The following BTBD16 variants were observed in gnomAD, a reference collection of about 807,000 sequenced individuals.
The protein encoded by BTBD16 is BTB/POZ domain-containing protein 16.
Under a neutral mutation model 67.4 loss-of-function variants are expected in BTBD16, and 66 were observed. The observed-to-expected ratio is 0.98, with a 90% confidence interval of 0.80 to 1.20. The LOEUF is 1.20. BTBD16 is among the 50% of genes most tolerant of loss of function. The probability of loss-of-function intolerance (pLI) is 0.00; values close to 1 mark genes in which losing one functional copy is unlikely to be tolerated. For synonymous variants in BTBD16, 242 were observed against 236.4 expected (o/e 1.02, Z -0.22); for missense variants, 634 against 616.0 (o/e 1.03, Z -0.31).
At chr10:122,296,825 A>G (rs1244927598) in intron 7 of BTBD16, among the ~76,000 whole-genome samples, 2 of 152,218 alleles carry the variant, frequency 1.3e-5, no homozygotes, top group Non-Finnish European at 2.9e-5. Context: ...ACGAACTACA[A>G]TAGTCAAAGA....
intron 9 of BTBD16, among the ~76,000 whole-genome samples, chr10:122,306,039 C>T (rs570698311): frequency 5.3e-5 from 8 of 152,176 alleles, no homozygotes; most frequent in East Asian, 3.9e-4. Context: ...GAATAGTGTC[C>T]GCGGGCTTTA....
intron 1 of BTBD16, among the ~76,000 whole-genome samples, chr10:122,272,128 G>C (rs554150341): frequency 6.6e-6 from 1 of 152,184 alleles, no homozygotes; most frequent in African/African-American, 2.4e-5. Flanking sequence ...GCATGTATGT[G>C]TTACCTGAGG....
intron 10 of BTBD16, among the ~76,000 whole-genome samples, chr10:122,327,837 G>A (rs113980760): frequency 1.3e-5 from 2 of 152,216 alleles, no homozygotes. Flanking sequence ...GCCATGCCAA[G>A]GCACATCAGC....
At position 122,297,405 on chromosome 10, in the gene BTBD16, GT is replaced by G. The variant is rs2096385321; in HGVS notation, c.591-362del. ...AGGCCCCTCTGGTGGCACCATAAGG[GT>G]CTGTACAGGAAGACAGTCCTCAGGC... On this transcript the variant is annotated intron_variant, in intron 7 of 15. Transcript: ENST00000260723. Among the ~76,000 whole-genome samples, 4 of 152,228 alleles carry G rather than the reference GT, an allele frequency of 2.6e-5. No homozygotes were observed. The East Asian group carries it at 7.7e-4, about 29-fold the overall frequency.
At position 122,280,558 on chromosome 10, in the gene BTBD16, TTTATATTATATTATA is replaced by T. The variant is rs71026011; in HGVS notation, c.168-3280_168-3266del. 2.6e-3 allele frequency among the ~76,000 whole-genome samples: 81 copies of T among 31,406 alleles called. 2 individuals carry two copies. The Admixed American group carries it at 0.032, about 12-fold the overall frequency. 20.6% of individuals were successfully genotyped at this position (31,406 alleles called of 152,430 possible). On this transcript the variant is annotated intron_variant, in intron 3 of 15. Transcript: ENST00000260723. The stretch of plus-strand genomic sequence containing the variant: ...AATGGGAAGAAGGGACCCCTATATT[TTTATATTATATTATA>T]TTATATTATATTGTATTATATTATA...
chr10:122,311,523 C>T (rs2096413690), intron 10 of BTBD16, among the ~76,000 whole-genome samples: 1 of 152,234 alleles, frequency 6.6e-6, no homozygotes, highest in Admixed American at 6.5e-5. Flanking sequence ...CTGTTGCCTT[C>T]ATCTATGAAG....
chr10:122,290,977 AG>A, intron 6 of BTBD16, 102 bp from the exon 7 acceptor site: 1 of 1,410,152 alleles, frequency 7.1e-7, no homozygotes, highest in Non-Finnish European at 9.3e-7. Flanking sequence ...ATTTTCTCTA[AG>A]GGCACCTCTG....
At chr10:122,273,231 T>TATATATATATATATATATAG in intron 1 of BTBD16, among the ~76,000 whole-genome samples, 1 of 148,374 alleles carries the variant, frequency 6.7e-6, no homozygotes, top group African/African-American at 2.5e-5. Context: ...GATATATATA[T>TATATATATATATATATATAG]ATATATATAT....
At chr10:122,319,760 T>A (rs1352689222) in intron 10 of BTBD16, among the ~76,000 whole-genome samples, 1 of 152,128 alleles carries the variant, frequency 6.6e-6, no homozygotes, top group African/African-American at 2.4e-5. Context: ...TAGAAAAATC[T>A]CGTGGAATTT....
intron 7 of BTBD16, chr10:122,294,164 C>G (rs2096378971): frequency 1.0e-6 from 1 of 985,396 alleles, no homozygotes. Context: ...CATAGTTGGG[C>G]TGGGTCTTGC....
intron 11 of BTBD16, 90 bp from the exon 12 acceptor site, chr10:122,331,086 G>A (rs918232262): frequency 4.6e-6 from 7 of 1,521,478 alleles, no homozygotes; most frequent in East Asian, 2.3e-5. Context: ...CCTCAGCTCC[G>A]GACTTCTTCC....
At chr10:122,304,853 A>T (rs189425240) in intron 9 of BTBD16, among the ~76,000 whole-genome samples, 1 of 152,112 alleles carries the variant, frequency 6.6e-6, no homozygotes, top group Non-Finnish European at 1.5e-5. Flanking sequence ...GCGCCTGGCC[A>T]GCAGCTATTC....
chr10:122,291,127 A>T lies in BTBD16; in HGVS notation c.523A>T (p.Asn175Tyr). Residue 175 changes from asparagine (N) to tyrosine (Y), a missense_variant, in exon 7 of 16, where the codon AAC becomes TAC. Physicochemically the swap from Asn to Tyr is moderately radical, Grantham distance 143. Coordinates refer to ENST00000260723, the MANE Select transcript of BTBD16 (RefSeq NM_144587.5). The stretch of plus-strand genomic sequence containing the variant: ...CCTCTACATGAGTGAGGTGGAGATT[A>T]ACTTGGAAGACCTACTGGGAGTGCT... ...KNLYMSEVEI[N>Y]LEDLLGVLAS... is the part of the protein sequence containing the mutation. 1 of 1,613,678 alleles carries T rather than the reference A, an allele frequency of 6.2e-7. No individual in the cohort carries two copies. The highest frequency in any genetic ancestry group is 8.5e-7 in the Non-Finnish European group (1 of 1,179,828).
rs147619675 is a variant in BTBD16 at position 122,276,833 on chromosome 10, C to G, written c.61C>G (p.Arg21Gly). The G allele has an allele frequency of 6.2e-7, 1 of 1,614,244 alleles. No homozygotes were observed. Among genetic ancestry groups the G allele is most frequent in the Non-Finnish European group, 8.5e-7 (1 of 1,180,038 alleles). ...LERRVTGSTN[R>G]WRLPKQPFSG... Reference sequence around the variant, plus strand: ...ACGCCGGGTCACTGGCTCAACCAACCGGTGGCGTTTGCCCAAACAGCCTTT... The same window carrying G: ...ACGCCGGGTCACTGGCTCAACCAACGGGTGGCGTTTGCCCAAACAGCCTTT... The change falls in exon 3 of 16, where the codon CGG (arginine) becomes GGG (glycine). Residue 21 changes from arginine (R) to glycine (G), a missense_variant. Arg to Gly is a moderately radical substitution (Grantham distance 125, BLOSUM62 -2). Transcript: ENST00000260723.
intron 5 of BTBD16, among the ~76,000 whole-genome samples, chr10:122,287,061 C>T (rs550507087): frequency 6.6e-6 from 1 of 152,176 alleles, no homozygotes; most frequent in Non-Finnish European, 1.5e-5. Context: ...AGTCACTCCC[C>T]CTCCCTGAGC....
rs1177285031 is a variant in BTBD16 at position 122,271,348 on chromosome 10, A to AT, written c.-208dup. The AT allele has an allele frequency of 1.3e-5, 2 of 152,268 alleles. No homozygotes were observed. The highest frequency in any genetic ancestry group is 4.8e-5 in the African/African-American group (2 of 41,480). The allele number at this position is 152,268 out of a possible 1,614,324, so 9.4% of individuals were successfully genotyped here. ...TCCCCCTGTCAAAGCACCTTGGCCCATAAGAAGAAAAGGGGGAGCCCCAGA... is the reference window on the plus strand; with the variant it reads ...TCCCCCTGTCAAAGCACCTTGGCCCATTAAGAAGAAAAGGGGGAGCCCCAGA... On this transcript the variant is annotated 5_prime_UTR_variant, in exon 1 of 16. Coordinates refer to ENST00000260723, the MANE Select transcript of BTBD16 (RefSeq NM_144587.5).
chr10:122,302,965 G>T (rs1039362919), intron 9 of BTBD16, among the ~76,000 whole-genome samples: 1 of 152,106 alleles, frequency 6.6e-6, no homozygotes, highest in African/African-American at 2.4e-5. Flanking sequence ...GACGTGCTCT[G>T]CATGAGGCCT....
At chr10:122,272,604 G>A (rs1169335695) in intron 1 of BTBD16, among the ~76,000 whole-genome samples, 2 of 151,976 alleles carry the variant, frequency 1.3e-5, no homozygotes, top group Admixed American at 1.3e-4. Context: ...GCCTCCCAAA[G>A]TGCTGGGATT....
At chr10:122,321,435 T>C (rs1414882725) in intron 10 of BTBD16, among the ~76,000 whole-genome samples, 1 of 152,216 alleles carries the variant, frequency 6.6e-6, no homozygotes, top group Non-Finnish European at 1.5e-5. Flanking sequence ...ATCTCCAAAC[T>C]GCTTTCCACA....
Sources: gnomAD v4.1 joint callset for allele counts (sites outside exome capture counted in the v4.1 genomes callset) on GRCh38, gnomAD v4.1.1 for gene constraint, MANE v1.5 for transcripts, NCBI Gene and HGNC (gene_info 2026-07-23, HGNC 2026-07-21) for gene names.